RASGEF1A: variants seen among roughly 807,000 people sequenced by gnomAD.
RASGEF1A encodes the protein ras-GEF domain-containing family member 1A.
A neutral mutation model predicts 56.4 loss-of-function variants in RASGEF1A; 18 were observed. That is an observed-to-expected ratio of 0.32 (90% CI 0.22 to 0.47). The LOEUF is 0.47. Among genes scored for constraint, RASGEF1A ranks in the 20% least tolerant of loss-of-function variants. The pLI, the probability that RASGEF1A is intolerant of heterozygous loss-of-function variation, is 1.00. For synonymous variants in RASGEF1A, 245 were observed against 242.6 expected (o/e 1.01, Z -0.09); for missense variants, 422 against 627.1 (o/e 0.67, Z 3.49).
intron 1 of RASGEF1A, among the ~76,000 whole-genome samples, chr10:43,263,438 C>T (rs1314956513): frequency 2.6e-5 from 4 of 152,132 alleles, no homozygotes; most frequent in East Asian, 3.9e-4. Flanking sequence ...GAGCAAGTTT[C>T]GTTGTTTTTA....
chr10:43,198,241 CT>C, intron 9 of RASGEF1A, 46 bp from the exon 10 acceptor site: 1 of 1,489,470 alleles, frequency 6.7e-7, no homozygotes, highest in Middle Eastern at 1.8e-4. Flanking sequence ...CCCCATGCCC[CT>C]CCGACCTGCT....
intron 1 of RASGEF1A, among the ~76,000 whole-genome samples, chr10:43,257,504 C>T (rs985368272): frequency 1.2e-4 from 19 of 152,340 alleles, no homozygotes; most frequent in African/African-American, 4.3e-4. Context: ...CTCCACACCT[C>T]AGTCCCATCT....
At chr10:43,216,818 G>T (rs2133199071) in intron 1 of RASGEF1A, among the ~76,000 whole-genome samples, 1 of 152,232 alleles carries the variant, frequency 6.6e-6, no homozygotes, top group African/African-American at 2.4e-5. Context: ...CAGAGGAGGG[G>T]GAAGGAGGTT....
At chr10:43,232,722 A>C (rs1840387242) in intron 1 of RASGEF1A, among the ~76,000 whole-genome samples, 1 of 152,090 alleles carries the variant, frequency 6.6e-6, no homozygotes, top group Non-Finnish European at 1.5e-5. Context: ...TCCTGACCCA[A>C]GTGATCTGCC....
Position 43,196,609 on chromosome 10 carries a change from C to A in RASGEF1A, c.1349-61G>T. 6.7e-7 allele frequency: 1 copy of A among 1,494,622 alleles called. No homozygotes were observed. The highest frequency in any genetic ancestry group is 9.3e-7 in the Non-Finnish European group (1 of 1,078,840). 92.6% of individuals were successfully genotyped at this position (1,494,622 alleles called of 1,614,324 possible). A position where few individuals can be genotyped will look rare whatever the true frequency, so the allele number is the denominator to read the frequency against. On this transcript the variant is annotated intron_variant, in intron 11 of 12. Transcript: ENST00000395810. The surrounding 1 kb of genome is among the most constrained non-coding windows in gnomAD (Gnocchi z 4.6). ...CCATGCAGTGTCTGCCTGAACCCAG[C>A]TGTCCCTTCAGGAGTACAGCCCAGC...
At chr10:43,249,318 C>T (rs1361830046) in intron 1 of RASGEF1A, among the ~76,000 whole-genome samples, 3 of 152,236 alleles carry the variant, frequency 2.0e-5, no homozygotes, top group Non-Finnish European at 4.4e-5. Context: ...TGTCCATCCT[C>T]CCTGGTAAGC....
chr10:43,260,583 A>T (rs1836509913), intron 1 of RASGEF1A, among the ~76,000 whole-genome samples: 1 of 152,140 alleles, frequency 6.6e-6, no homozygotes, highest in Non-Finnish European at 1.5e-5. Flanking sequence ...CCCACGGAGA[A>T]GCTAGGGTCC....
chr10:43,229,841 G>A (rs994915913), intron 1 of RASGEF1A: 87 of 824,212 alleles, frequency 1.1e-4, no homozygotes, highest in Non-Finnish European at 1.3e-4. Context: ...GGGTCCGGGC[G>A]GGGCAGAGGG....
chr10:43,198,584 G>A (rs1454972597), intron 9 of RASGEF1A, among the ~76,000 whole-genome samples: 1 of 152,226 alleles, frequency 6.6e-6, no homozygotes. Flanking sequence ...GGCTGCAGGT[G>A]ACCCTGTCTG....
chr10:43,235,187 T>C (rs894396456), intron 1 of RASGEF1A, among the ~76,000 whole-genome samples: 1 of 152,152 alleles, frequency 6.6e-6, no homozygotes, highest in African/African-American at 2.4e-5. Flanking sequence ...AGGGGGTGAA[T>C]GGGAGTCAGC....
chr10:43,198,132 T>G lies in RASGEF1A; in HGVS notation c.1096A>C (p.Arg366=). 6.2e-7 allele frequency: 1 copy of G among 1,614,166 alleles called. No homozygotes were observed. The highest frequency in any genetic ancestry group is 8.5e-7 in the Non-Finnish European group (1 of 1,179,968). The change falls in exon 10 of 13, where the codon AGG becomes CGG. Residue 366 remains arginine (R), a synonymous_variant. Coordinates refer to ENST00000395810, the MANE Select transcript of RASGEF1A (RefSeq NM_145313.4). ...CGGCTGCTGTTGGCCATCTGGGACC[T>G]CTGCGTGGCCCCCTGCAGGGCTGTA... ...YRTALQGATQ[R]SQMANSSREK...
In RASGEF1A at chr10:43,220,798, G is replaced by C. The variant is rs60689724; in HGVS notation, c.-6-14676C>G. On this transcript the variant is annotated intron_variant, in intron 1 of 12. Transcript: ENST00000395810. ...AGACTCTGTCTTAAAAAAAAAAAAG[G>C]GGGGGGAGTACTTATGACAAGTAAC... Among the ~76,000 whole-genome samples, 22 of 151,888 alleles carry C rather than the reference G, an allele frequency of 1.4e-4. 2 individuals carry two copies. Among genetic ancestry groups the C allele is most frequent in the African/African-American group, 1.9e-4 (8 of 41,420 alleles).
At chr10:43,226,181 C>T (rs1840278095) in intron 1 of RASGEF1A, among the ~76,000 whole-genome samples, 1 of 152,254 alleles carries the variant, frequency 6.6e-6, no homozygotes, top group African/African-American at 2.4e-5. Context: ...GTGGCTAATG[C>T]CTGTAATCCC....
chr10:43,228,383 TG>T (rs1249044068), intron 1 of RASGEF1A, among the ~76,000 whole-genome samples: 26 of 152,162 alleles, frequency 1.7e-4, no homozygotes, highest in African/African-American at 6.3e-4. Flanking sequence ...CCCTGGTTGC[TG>T]GGGGAGCAGG....
intron 1 of RASGEF1A, among the ~76,000 whole-genome samples, chr10:43,209,688 C>G (rs920498936): frequency 2.8e-5 from 4 of 143,152 alleles, no homozygotes; most frequent in East Asian, 2.6e-4. Flanking sequence ...GGAAGCCCCC[C>G]CACCAGGGCT....
chr10:43,210,403 G>A (rs1840050040), intron 1 of RASGEF1A, among the ~76,000 whole-genome samples: 1 of 152,202 alleles, frequency 6.6e-6, no homozygotes, highest in South Asian at 2.1e-4. Context: ...GAGCCCAGGA[G>A]GTTGAGGCTG....
chr10:43,201,889 C>T lies in RASGEF1A; in HGVS notation c.378G>A (p.Glu126=). The change falls in exon 4 of 13, where the codon GAG becomes GAA. Residue 126 remains glutamate, a synonymous_variant. Transcript: ENST00000395810. ...CATCCTGGAAGTCATAGGGGAAGGC[C>T]TCGGTCCACTCCTTCAGGAGCTGCA... The part of the protein sequence containing the change: ...KIVQLLKEWT[E]AFPYDFQDEK... The T allele has an allele frequency of 6.2e-7, 1 of 1,612,256 alleles. No individual in the cohort carries two copies. Among genetic ancestry groups the T allele is most frequent in the Non-Finnish European group, 8.5e-7 (1 of 1,179,056 alleles).
chr10:43,262,879 G>A lies in RASGEF1A; in HGVS notation c.-7+3966C>T, dbSNP rs1287826337. Among the ~76,000 whole-genome samples the A allele has an allele frequency of 2.6e-5, 4 of 152,340 alleles. No individual in the cohort carries two copies. In the East Asian group the frequency reaches 5.8e-4, roughly 22 times the overall value. ...GCCCACAGAGGTGGCAGTGAGCAGG[G>A]AGAGGCAGAAGGGGCAGAAGAGAGG... On this transcript the variant is annotated intron_variant, in intron 1 of 12. Transcript: ENST00000395810.
At chr10:43,239,485 C>A (rs1840477264) in intron 1 of RASGEF1A, among the ~76,000 whole-genome samples, 1 of 152,144 alleles carries the variant, frequency 6.6e-6, no homozygotes, top group South Asian at 2.1e-4. Flanking sequence ...TTAGAACTTC[C>A]AAAATTAACT....
Sources: gnomAD v4.1 joint callset for allele counts (sites outside exome capture counted in the v4.1 genomes callset) on GRCh38, gnomAD v4.1.1 for gene constraint, Gnocchi (gnomAD v3.1) non-coding constraint, MANE v1.5 for transcripts, NCBI Gene and HGNC (gene_info 2026-07-23, HGNC 2026-07-21) for gene names.